The following MASTL variants were observed in gnomAD, a reference collection of about 807,000 sequenced individuals.
The protein encoded by MASTL is serine/threonine-protein kinase greatwall.
MASTL carries 54 observed loss-of-function variants against 82.5 expected under a neutral mutation model. The observed-to-expected ratio is 0.65, with a 90% CI of 0.53 to 0.82. The LOEUF is 0.82. MASTL is among the 40% of genes least tolerant of loss of function. The pLI, the probability that MASTL is intolerant of heterozygous loss-of-function variation, is 0.00. For missense variants in MASTL, 950 were observed against 1,047.8 expected, an observed-to-expected ratio of 0.91 and a Z score of 1.29; for synonymous variants, 323 against 368.9, an observed-to-expected ratio of 0.88 and a Z score of 1.43.
chr10:27,181,453 A>C (rs1306511651), intron 10 of MASTL, 27 bp from the exon 11 acceptor site: 14 of 1,451,476 alleles, frequency 9.6e-6, no homozygotes, highest in African/African-American at 1.4e-5. Context: ...GTAATAAACA[A>C]GTTTATTTGT....
In MASTL at chr10:27,170,018, T is replaced by A; in HGVS notation, c.1059T>A (p.Asn353Lys). Residue 353 changes from asparagine to lysine, a missense_variant, in exon 8 of 12, where the codon AAT (asparagine) becomes AAA (lysine). Transcript: ENST00000375940. ...AVEKLCAKSANAIETKGFNKK... is the reference protein window; with the variant it reads ...AVEKLCAKSAKAIETKGFNKK... ...AAAAGTTATGCGCAAAATCTGCAAATGCCATTGAGACGAAAGGTTTCAATA... is the reference window on the plus strand; with the variant it reads ...AAAAGTTATGCGCAAAATCTGCAAAAGCCATTGAGACGAAAGGTTTCAATA... 6.2e-7 allele frequency: 1 copy of A among 1,614,162 alleles called. No homozygotes were observed. The highest frequency in any genetic ancestry group is 1.1e-5 in the South Asian group (1 of 91,078).
At chr10:27,178,006 T>C (rs991154969) in intron 9 of MASTL, among the ~76,000 whole-genome samples, 7 of 152,188 alleles carry the variant, frequency 4.6e-5, no homozygotes, top group Non-Finnish European at 1.0e-4. Flanking sequence ...AAAAGAAATA[T>C]AGGCCTGAGG....
At chr10:27,180,371 C>T (rs890957287) in intron 9 of MASTL, among the ~76,000 whole-genome samples, 17 of 126,258 alleles carry the variant, frequency 1.3e-4, no homozygotes, top group Admixed American at 1.8e-4. Flanking sequence ...TGAGCTAACT[C>T]GCATTTTTCT....
chr10:27,186,740 A>G lies in MASTL; in HGVS notation c.*204A>G. ...ATTTATCTTAACCTCAAAACTGTAT[A>G]TAAATCTTCAAAGCTTTTTTCATTT... On this transcript the variant is annotated 3_prime_UTR_variant, in exon 12 of 12. Coordinates refer to ENST00000375940, the MANE Select transcript of MASTL (RefSeq NM_001172303.3). 1 of 577,492 alleles carries G rather than the reference A, an allele frequency of 1.7e-6. No homozygotes were observed. The allele number at this position is 577,492 out of a possible 1,614,324, so 35.8% of individuals were successfully genotyped here.
chr10:27,155,271 G>T, upstream of MASTL: 1 of 714,988 alleles, frequency 1.4e-6, no homozygotes, highest in East Asian at 2.7e-5. Flanking sequence ...CCCTCCGTCC[G>T]CGTCTGCGTA....
chr10:27,174,291 G>A (rs1418370643), intron 9 of MASTL, among the ~76,000 whole-genome samples: 1 of 151,886 alleles, frequency 6.6e-6, no homozygotes, highest in African/African-American at 2.4e-5. Flanking sequence ...GGAGGCCGAG[G>A]TTGCAGTGAG....
At chr10:27,161,231 G>T (rs1402133420) in intron 4 of MASTL, 49 bp downstream of exon 4, 2 of 1,088,144 alleles carry the variant, frequency 1.8e-6, no homozygotes, top group Admixed American at 3.4e-5. Flanking sequence ...CAACAGGCCA[G>T]GCGTGGTGGC....
Position 27,170,556 on chromosome 10 carries a change from A to G in MASTL, c.1597A>G (p.Met533Val), listed in dbSNP as rs780206267. The G allele has an allele frequency of 6.8e-6, 11 of 1,613,704 alleles. No individual in the cohort carries two copies. Among genetic ancestry groups the G allele is most frequent in the Non-Finnish European group, 8.5e-6 (10 of 1,179,924 alleles). The stretch of plus-strand genomic sequence containing the variant: ...TATACCAATGATAGCAAAAAACCTT[A>G]TGTGTGAACTCGATGAAGACTGTGA... The part of the protein sequence containing the change: ...LPIPMIAKNL[M>V]CELDEDCEKN... Residue 533 changes from methionine to valine, a missense_variant, in exon 8 of 12, where the codon ATG becomes GTG. Transcript: ENST00000375940.
rs769927938 is a variant in MASTL at position 27,155,474 on chromosome 10, G to C, written c.48G>C (p.Ala16=). Residue 16 remains alanine, a synonymous_variant, in exon 1 of 12, where the codon GCG becomes GCC. Transcript: ENST00000375940. The part of the protein sequence containing the change: ...GSKKEPGGGA[A]TEEGVNRIAV... Reference sequence around the variant, plus strand: ...AGAAGGAGCCTGGAGGAGGCGCGGCGACTGAGGAGGGCGTGAATAGGATCG... The same window carrying C: ...AGAAGGAGCCTGGAGGAGGCGCGGCCACTGAGGAGGGCGTGAATAGGATCG... 3 of 1,613,776 alleles carry C rather than the reference G, an allele frequency of 1.9e-6. No individual in the cohort carries two copies. Among genetic ancestry groups the C allele is most frequent in the South Asian group, 2.2e-5 (2 of 91,054 alleles).
At chr10:27,168,326 T>G (rs1484254750) in intron 7 of MASTL, among the ~76,000 whole-genome samples, 1 of 152,160 alleles carries the variant, frequency 6.6e-6, no homozygotes, top group African/African-American at 2.4e-5. Context: ...AGAAAACATA[T>G]TGTTTACTAT....
intron 9 of MASTL, among the ~76,000 whole-genome samples, chr10:27,174,103 C>T (rs1455463614): frequency 1.3e-5 from 2 of 151,894 alleles, no homozygotes; most frequent in African/African-American, 4.8e-5. Flanking sequence ...GCCTGTAATC[C>T]TAGCACTTCG....
chr10:27,169,862 A>T, intron 7 of MASTL, 82 bp from the exon 8 acceptor site: 1 of 1,409,712 alleles, frequency 7.1e-7, no homozygotes, highest in African/African-American at 1.4e-5. Context: ...GGGGTCATTT[A>T]TCCTACCTTA....
In MASTL at chr10:27,170,293, G is replaced by T. The variant is rs1396900395; in HGVS notation, c.1334G>T (p.Arg445Ile). The T allele has an allele frequency of 3.1e-6, 5 of 1,613,952 alleles. No homozygotes were observed. In the East Asian group the frequency reaches 6.7e-5, roughly 22 times the overall value. The change falls in exon 8 of 12, where the codon AGA (arginine) becomes ATA (isoleucine). Residue 445 changes from arginine (R) to isoleucine (I), a missense_variant. Coordinates refer to ENST00000375940, the MANE Select transcript of MASTL (RefSeq NM_001172303.3). Reference protein sequence around the residue: ...EEHLGKRSLKRNFELVDSSPC... With the variant: ...EEHLGKRSLKINFELVDSSPC... ...CACCTTGGGAAAAGAAGTTTAAAAA[G>T]AAATTTTGAGTTGGTTGACTCCAGT...
intron 7 of MASTL, among the ~76,000 whole-genome samples, chr10:27,168,937 C>T (rs2057827406): frequency 6.6e-6 from 1 of 152,126 alleles, no homozygotes; most frequent in Non-Finnish European, 1.5e-5. Flanking sequence ...TGAAGACTCA[C>T]TCTACTTGAC....
intron 3 of MASTL, among the ~76,000 whole-genome samples, chr10:27,160,080 C>T (rs1355316806): frequency 2.0e-5 from 3 of 150,784 alleles, no homozygotes; most frequent in Non-Finnish European, 4.4e-5. Flanking sequence ...ACTGCAGCCT[C>T]GACCTCTGGG....
intron 9 of MASTL, among the ~76,000 whole-genome samples, chr10:27,180,549 G>A (rs1439928580): frequency 7.9e-5 from 12 of 152,104 alleles, no homozygotes; most frequent in African/African-American, 2.7e-4. Context: ...GTGCCACCAC[G>A]CCTGGCCAAT....
chr10:27,181,616 GA>G (rs1316649299), intron 11 of MASTL, 35 bp downstream of exon 11: 1 of 1,478,702 alleles, frequency 6.8e-7, no homozygotes, highest in Non-Finnish European at 9.4e-7. Flanking sequence ...TTTTACCATT[GA>G]TTTTTTGCAG....
chr10:27,161,522 T>A (rs1588658639), intron 4 of MASTL, among the ~76,000 whole-genome samples: 2 of 142,032 alleles, frequency 1.4e-5, no homozygotes, highest in Non-Finnish European at 3.0e-5. Flanking sequence ...AAAAAAAAAG[T>A]CCAACTAAAA....
At chr10:27,172,758 C>T (rs1588698225) in intron 8 of MASTL, among the ~76,000 whole-genome samples, 1 of 151,886 alleles carries the variant, frequency 6.6e-6, no homozygotes, top group Middle Eastern at 3.4e-3. Flanking sequence ...TTGTCTTAAT[C>T]ATTTGTTAGC....
Sources: gnomAD v4.1 joint callset for allele counts (sites outside exome capture counted in the v4.1 genomes callset) on GRCh38, gnomAD v4.1.1 for gene constraint, MANE v1.5 for transcripts, NCBI Gene and HGNC (gene_info 2026-07-23, HGNC 2026-07-21) for gene names.